The following ZFHX3 variants were observed in gnomAD, a reference collection of about 807,000 sequenced individuals.
ZFHX3 encodes the protein zinc finger homeobox 3.
A neutral mutation model predicts 279.1 loss-of-function variants in ZFHX3; 42 were observed. The observed-to-expected ratio is 0.15, with a 90% CI of 0.12 to 0.19. ZFHX3 has a LOEUF of 0.19. Among genes scored for constraint, ZFHX3 ranks in the 10% least tolerant of loss-of-function variants. The pLI is 1.00. For missense variants in ZFHX3, 4,981 were observed against 4,754.0 expected (o/e 1.05, Z -1.40); for synonymous variants, 2,293 against 1,957.8 (o/e 1.17, Z -4.52).
chr16:73,588,359 G>C (rs187074335), intron 2 of ZFHX3, among the ~76,000 whole-genome samples: 1 of 152,102 alleles, frequency 6.6e-6, no homozygotes, highest in Non-Finnish European at 1.5e-5. Flanking sequence ...AAAAAGCTTG[G>C]AGTTTTAGAT....
At chr16:73,272,428 G>A (rs1190895701) in intron 4 of ZFHX3, among the ~76,000 whole-genome samples, 1 of 152,162 alleles carries the variant, frequency 6.6e-6, no homozygotes. Context: ...CAATACATAT[G>A]ACATTTTACA....
intron 5 of ZFHX3, among the ~76,000 whole-genome samples, chr16:73,173,888 C>A (rs768739764): frequency 6.6e-5 from 10 of 152,184 alleles, no homozygotes; most frequent in Non-Finnish European, 1.5e-4. Context: ...CCCCTTCGGA[C>A]CTTCATTCCT....
chr16:73,266,748 A>T (rs558655991), intron 4 of ZFHX3, among the ~76,000 whole-genome samples: 2 of 152,372 alleles, frequency 1.3e-5, no homozygotes, highest in South Asian at 4.1e-4. Context: ...AATAAGTCTC[A>T]AAAGATGTCA....
At chr16:73,686,515 C>G (rs577238368) in intron 1 of ZFHX3, among the ~76,000 whole-genome samples, 1 of 152,168 alleles carries the variant, frequency 6.6e-6, no homozygotes, top group Admixed American at 6.5e-5. Flanking sequence ...ACTGACCCTT[C>G]GGGAATTCTT....
intron 8 of ZFHX3, chr16:73,081,252 T>G (rs574506458): frequency 1.3e-5 from 1 of 78,472 alleles, no homozygotes; most frequent in East Asian, 6.5e-4. Flanking sequence ...TCTTTCTTTC[T>G]TTCTTTTTTT....
chr16:73,364,461 G>A (rs1377716369), intron 3 of ZFHX3, among the ~76,000 whole-genome samples: 1 of 151,898 alleles, frequency 6.6e-6, no homozygotes, highest in African/African-American at 2.4e-5. Flanking sequence ...TCCTGACCTC[G>A]TAGTTCTTTC....
intron 3 of ZFHX3, among the ~76,000 whole-genome samples, chr16:73,396,344 C>T (rs111722017): frequency 2.0e-5 from 3 of 152,312 alleles, no homozygotes; most frequent in African/African-American, 7.2e-5. Context: ...GTATTTTACC[C>T]TCCTAACCTC....
intron 2 of ZFHX3, among the ~76,000 whole-genome samples, chr16:73,669,229 T>C (rs1407528298): frequency 6.6e-6 from 1 of 152,146 alleles, no homozygotes; most frequent in Non-Finnish European, 1.5e-5. Flanking sequence ...AATTTTTGTA[T>C]TTTTAGTAGA....
chr16:73,844,602 G>T (rs916470520), intron 1 of ZFHX3, among the ~76,000 whole-genome samples: 1 of 151,970 alleles, frequency 6.6e-6, no homozygotes, highest in African/African-American at 2.4e-5. Flanking sequence ...TAACATGCTC[G>T]AGGGAGGGAT....
chr16:72,932,448 G>A (rs932574941), intron 3 of ZFHX3, among the ~76,000 whole-genome samples: 1 of 151,418 alleles, frequency 6.6e-6, no homozygotes, highest in Non-Finnish European at 1.5e-5. Context: ...TAGGAGAGGA[G>A]ATGGAGATAT....
intron 2 of ZFHX3, among the ~76,000 whole-genome samples, chr16:73,628,183 A>G (rs2052436267): frequency 6.6e-6 from 1 of 152,222 alleles, no homozygotes; most frequent in Non-Finnish European, 1.5e-5. Context: ...AATGCAGTCT[A>G]TAAGCTTTCT....
chr16:73,510,957 G>A (rs747834809), intron 2 of ZFHX3, among the ~76,000 whole-genome samples: 5 of 152,238 alleles, frequency 3.3e-5, no homozygotes, highest in Non-Finnish European at 7.3e-5. Flanking sequence ...ATTATGCACA[G>A]GCTTTGACCA....
intron 2 of ZFHX3, among the ~76,000 whole-genome samples, chr16:73,656,674 AG>A (rs2052724033): frequency 1.3e-5 from 2 of 152,334 alleles, no homozygotes; most frequent in South Asian, 4.1e-4. Flanking sequence ...AACACAATAA[AG>A]TACTTCCACC....
intron 3 of ZFHX3, among the ~76,000 whole-genome samples, chr16:73,334,505 GC>G (rs1314589777): frequency 6.6e-6 from 1 of 152,142 alleles, no homozygotes; most frequent in African/African-American, 2.4e-5. Context: ...AGGAAGTGGG[GC>G]TCTGTGCCTT....
intron 8 of ZFHX3, among the ~76,000 whole-genome samples, chr16:73,085,673 A>G (rs536364620): frequency 2.0e-5 from 3 of 152,324 alleles, no homozygotes; most frequent in African/African-American, 7.2e-5. Context: ...CCATAAATAA[A>G]CATCAATCAA....
intron 4 of ZFHX3, among the ~76,000 whole-genome samples, chr16:72,848,828 C>G (rs1053959759): frequency 6.6e-6 from 1 of 152,100 alleles, no homozygotes. Context: ...CCCTTTCCCT[C>G]GTTTCTGCTT....
intron 4 of ZFHX3, among the ~76,000 whole-genome samples, chr16:73,298,396 C>G (rs1195780136): frequency 4.0e-5 from 6 of 151,792 alleles, no homozygotes; most frequent in Non-Finnish European, 8.8e-5. Context: ...GTTGGTCAAA[C>G]CAGTCTCGAA....
intron 3 of ZFHX3, among the ~76,000 whole-genome samples, chr16:73,361,232 A>G (rs7342761): frequency 0.32 from 48,806 of 152,154 alleles, 8,408 homozygotes; most frequent in African/African-American, 0.45. Context: ...GCCTCCTCCC[A>G]TACCAACTCT....
chr16:73,643,877 C>T (rs571082383), intron 2 of ZFHX3, among the ~76,000 whole-genome samples: 1 of 152,308 alleles, frequency 6.6e-6, no homozygotes, highest in South Asian at 2.1e-4. Context: ...TTCCACCCTT[C>T]TCTCCTTGCT....
Sources: allele counts gnomAD v4.1 joint callset (sites outside exome capture counted in the v4.1 genomes callset), GRCh38; gene constraint gnomAD v4.1.1; transcripts MANE v1.5; gene names NCBI Gene and HGNC (gene_info 2026-07-23, HGNC 2026-07-21).